The following PTPRN2 variants were observed in gnomAD, a reference collection of about 807,000 sequenced individuals.
PTPRN2 encodes protein tyrosine phosphatase receptor type N2.
A neutral mutation model predicts 118.8 loss-of-function variants in PTPRN2; 74 were observed. The observed-to-expected ratio is 0.62, with a 90% CI of 0.52 to 0.76. PTPRN2 has a LOEUF of 0.76. PTPRN2 is among the 30% of genes least tolerant of loss of function. PTPRN2 has a pLI of 0.00. For missense variants in PTPRN2, 1,481 were observed against 1,394.4 expected (o/e 1.06, Z -0.99); for synonymous variants, 641 against 608.0 (o/e 1.05, Z -0.80).
At chr7:158,394,451 C>T (rs1055728532) in intron 2 of PTPRN2, among the ~76,000 whole-genome samples, 1 of 152,210 alleles carries the variant, frequency 6.6e-6, no homozygotes, top group African/African-American at 2.4e-5. Flanking sequence ...GACGGGGATG[C>T]TGCTGCCTCA....
At chr7:158,532,862 C>G (rs553527634) in intron 1 of PTPRN2, 2 of 526,530 alleles carry the variant, frequency 3.8e-6, no homozygotes, top group East Asian at 5.5e-5. Flanking sequence ...GTGCTGCACT[C>G]TGACGCGCAG....
chr7:157,790,786 A>G (rs1416348535), intron 12 of PTPRN2, among the ~76,000 whole-genome samples: 1 of 152,164 alleles, frequency 6.6e-6, no homozygotes, highest in Non-Finnish European at 1.5e-5. Flanking sequence ...AAAGTTTGCT[A>G]TTTCCTATAG....
chr7:157,784,603 G>C lies in PTPRN2; in HGVS notation c.1789-101666C>G, dbSNP rs1803901898. On this transcript the variant is annotated intron_variant, in intron 12 of 22. Transcript: ENST00000389418. The surrounding 1 kb of genome is among the most constrained non-coding windows in gnomAD (Gnocchi z 4.6). The stretch of plus-strand genomic sequence containing the variant: ...GAAGAGCAACTGACCCATGAAACGG[G>C]CAGGGGCTGGGCTGATCCCATATGA... 8.2e-6 allele frequency among the ~76,000 whole-genome samples: 1 copy of C among 121,576 alleles called. No homozygotes were observed. The highest frequency in any genetic ancestry group is 1.9e-5 in the Non-Finnish European group (1 of 53,218). 79.8% of individuals were successfully genotyped at this position (121,576 alleles called of 152,430 possible).
intron 12 of PTPRN2, among the ~76,000 whole-genome samples, chr7:157,713,715 C>T (rs902330422): frequency 1.3e-5 from 2 of 152,216 alleles, no homozygotes; most frequent in Non-Finnish European, 2.9e-5. Flanking sequence ...CGGCGTCTTT[C>T]CCAACTCTGC....
chr7:158,213,608 T>C (rs942966822), intron 3 of PTPRN2, among the ~76,000 whole-genome samples: 1 of 152,030 alleles, frequency 6.6e-6, no homozygotes, highest in Non-Finnish European at 1.5e-5. Context: ...AATAATCAAG[T>C]CTATCCCATT....
chr7:158,509,484 G>A lies in PTPRN2; in HGVS notation c.113-19699C>T, dbSNP rs1823022297. On this transcript the variant is annotated intron_variant, in intron 1 of 22. Transcript: ENST00000389418. The surrounding 1 kb of genome is among the most constrained non-coding windows in gnomAD (Gnocchi z 4.4). ...AAGTCTGCCATTCAGGCCACACTGG[G>A]ACTTGGTGTCCAGTCCTCATCTCTT... Among the ~76,000 whole-genome samples the A allele has an allele frequency of 6.6e-6, 1 of 152,226 alleles. No homozygotes were observed. The highest frequency in any genetic ancestry group is 2.1e-4 in the South Asian group (1 of 4,832).
chr7:158,349,963 G>T (rs1054509621), intron 2 of PTPRN2, among the ~76,000 whole-genome samples: 1 of 152,128 alleles, frequency 6.6e-6, no homozygotes, highest in African/African-American at 2.4e-5. Context: ...CGTTACTAGC[G>T]CTCACGTGTT....
chr7:158,254,207 C>T (rs1330858731), intron 3 of PTPRN2, among the ~76,000 whole-genome samples: 1 of 48,596 alleles, frequency 2.1e-5, no homozygotes, highest in African/African-American at 1.1e-4. Flanking sequence ...ACAGCACAAC[C>T]CGCCCCCCAT....
At chr7:158,120,567 C>G (rs1299831719) in intron 9 of PTPRN2, among the ~76,000 whole-genome samples, 1 of 152,162 alleles carries the variant, frequency 6.6e-6, no homozygotes, top group Non-Finnish European at 1.5e-5. Flanking sequence ...CCAAGGAAAG[C>G]CTGTGGCGTG....
chr7:158,222,203 G>A (rs574712249), intron 3 of PTPRN2, among the ~76,000 whole-genome samples: 7 of 152,230 alleles, frequency 4.6e-5, no homozygotes, highest in East Asian at 1.9e-4. Flanking sequence ...ACTACCATTC[G>A]ACCCAGCAAT....
intron 2 of PTPRN2, among the ~76,000 whole-genome samples, chr7:158,326,567 C>G (rs1586270829): frequency 1.3e-5 from 2 of 152,256 alleles, no homozygotes; most frequent in Non-Finnish European, 2.9e-5. Flanking sequence ...CATGCACATT[C>G]TCACATACAC....
At chr7:157,819,659 G>A (rs1806681005) in intron 12 of PTPRN2, among the ~76,000 whole-genome samples, 1 of 152,028 alleles carries the variant, frequency 6.6e-6, no homozygotes, top group South Asian at 2.1e-4. Flanking sequence ...CCTTTTGGCA[G>A]CGCAGGTGCA....
At chr7:158,539,688 G>T (rs1308664525) in intron 1 of PTPRN2, 1 of 257,520 alleles carries the variant, frequency 3.9e-6, no homozygotes. Context: ...GGTCCTGAGG[G>T]ACACACTGTG....
chr7:158,404,252 G>A (rs1374081771), intron 2 of PTPRN2, among the ~76,000 whole-genome samples: 3 of 152,246 alleles, frequency 2.0e-5, no homozygotes, highest in Non-Finnish European at 2.9e-5. Context: ...GGAGGTTTGT[G>A]CTGCTGTGTC....
intron 11 of PTPRN2, among the ~76,000 whole-genome samples, chr7:157,984,949 GCTCCCCACCCGGTGCTA>G (rs1167535738): frequency 6.6e-6 from 1 of 152,050 alleles, no homozygotes; most frequent in African/African-American, 2.4e-5. Flanking sequence ...ACCCCGTGCT[GCTCCCCACCCGGTGCTA>G]CTCCCCTGGC....
At chr7:158,462,071 C>T (rs1301058085) in intron 2 of PTPRN2, among the ~76,000 whole-genome samples, 1 of 152,284 alleles carries the variant, frequency 6.6e-6, no homozygotes, top group African/African-American at 2.4e-5. Flanking sequence ...CCTGTGCTTC[C>T]GCCCACGCCC....
chr7:157,746,849 T>C (rs1346382630), intron 12 of PTPRN2, among the ~76,000 whole-genome samples: 1 of 152,218 alleles, frequency 6.6e-6, no homozygotes, highest in Admixed American at 6.5e-5. Context: ...ATCCCTGAGC[T>C]GCGGGCAGTT....
chr7:158,104,868 T>A (rs79522511), intron 10 of PTPRN2, among the ~76,000 whole-genome samples: 1 of 142,920 alleles, frequency 7.0e-6, no homozygotes, highest in African/African-American at 2.7e-5. Context: ...CCAACTCTAC[T>A]CAGCTCCATC....
At chr7:158,424,824 G>A (rs1411756489) in intron 2 of PTPRN2, among the ~76,000 whole-genome samples, 1 of 152,264 alleles carries the variant, frequency 6.6e-6, no homozygotes, top group South Asian at 2.1e-4. Flanking sequence ...AGAAGGTCCG[G>A]GGACCTCGGG....
Sources: allele counts gnomAD v4.1 joint callset (sites outside exome capture counted in the v4.1 genomes callset), GRCh38; gene constraint gnomAD v4.1.1; non-coding constraint Gnocchi (gnomAD v3.1); transcripts MANE v1.5; gene names NCBI Gene and HGNC (gene_info 2026-07-23, HGNC 2026-07-21).